Variants in RB1 observed in about 807,000 individuals in gnomAD.
The protein encoded by RB1 is RB transcriptional corepressor 1, also known as retinoblastoma-associated protein.
A neutral mutation model predicts 135.4 loss-of-function variants in RB1; 18 were observed. That is an observed-to-expected ratio of 0.13 (90% confidence interval 0.09 to 0.20). RB1 has a LOEUF of 0.20. Among genes scored for constraint, RB1 ranks in the 10% least tolerant of loss-of-function variants. The pLI is 1.00. For synonymous variants in RB1, 365 were observed against 373.2 expected, an observed-to-expected ratio of 0.98 and a Z score of 0.25; for missense variants, 868 against 1,110.0, an observed-to-expected ratio of 0.78 and a Z score of 3.10.
chr13:48,415,927 T>C (rs1465156833), intron 17 of RB1: 3 of 152,210 alleles, frequency 2.0e-5, no homozygotes, highest in Non-Finnish European at 4.4e-5. Context: ...TAGGTTAGAA[T>C]TGGAAAAATA....
At chr13:48,440,462 T>G (rs1949226381) in intron 17 of RB1, among the ~76,000 whole-genome samples, 1 of 152,194 alleles carries the variant, frequency 6.6e-6, no homozygotes. Flanking sequence ...ATGCATATTT[T>G]TTAACTTTAA....
intron 11 of RB1, among the ~76,000 whole-genome samples, chr13:48,371,952 T>C (rs1042804536): frequency 9.2e-5 from 14 of 152,324 alleles, no homozygotes; most frequent in Middle Eastern, 6.8e-3. Flanking sequence ...TGAACCTTAT[T>C]GTGAACTGCG....
chr13:48,459,000 G>A (rs1454993269), intron 19 of RB1, among the ~76,000 whole-genome samples: 1 of 152,090 alleles, frequency 6.6e-6, no homozygotes, highest in East Asian at 1.9e-4. Context: ...TTAAAAAAAT[G>A]ATTATTCCTC....
chr13:48,362,770 A>T (rs1275402633), intron 7 of RB1, 45 bp from the exon 8 acceptor site: 1 of 1,571,810 alleles, frequency 6.4e-7, no homozygotes, highest in Non-Finnish European at 8.8e-7. Context: ...ATTATTTTAT[A>T]TGATGGATGT....
At chr13:48,364,322 T>A (rs1486479177) in intron 8 of RB1, among the ~76,000 whole-genome samples, 1 of 152,218 alleles carries the variant, frequency 6.6e-6, no homozygotes, top group African/African-American at 2.4e-5. Context: ...TATCATTTAC[T>A]ATACCATAAA....
At position 48,459,891 on chromosome 13, in the gene RB1, T is replaced by TTCTTTCTTTCTTTCTC. The variant is rs1949386847; in HGVS notation, c.2106+73_2106+74insCTCTTTCTTTCTTTCT. The TTCTTTCTTTCTTTCTC allele has an allele frequency of 7.0e-6, 3 of 431,454 alleles. No homozygotes were observed. The Admixed American group carries it at 1.7e-4, about 24-fold the overall frequency. 26.7% of individuals were successfully genotyped at this position (431,454 alleles called of 1,614,324 possible). A position where few individuals can be genotyped will look rare whatever the true frequency, so the allele number is the denominator to read the frequency against. ...CCCTACTTACTTGTTAACTGATTCT[T>TTCTTTCTTTCTTTCTC]TCTTTCTTTCTTTCTTTCTTTCTTT... On this transcript the variant is annotated intron_variant, in intron 20 of 26. Coordinates refer to ENST00000267163, the MANE Select transcript of RB1 (RefSeq NM_000321.3).
chr13:48,380,276 C>A (rs549793500), intron 16 of RB1, 35 bp downstream of exon 16: 2 of 1,453,246 alleles, frequency 1.4e-6, no homozygotes, highest in South Asian at 2.3e-5. Context: ...CACTTTTGTT[C>A]AATTTAAAGT....
intron 17 of RB1, among the ~76,000 whole-genome samples, chr13:48,434,076 T>G (rs533035388): frequency 2.0e-5 from 3 of 152,196 alleles, no homozygotes; most frequent in Non-Finnish European, 4.4e-5. Flanking sequence ...TGTTGAGAAT[T>G]AAAATAAATA....
intron 17 of RB1, among the ~76,000 whole-genome samples, chr13:48,404,442 G>GA (rs11307004): frequency 6.6e-6 from 1 of 151,008 alleles, no homozygotes; most frequent in African/African-American, 2.4e-5. Context: ...AAAAAGAACA[G>GA]AAAAAAAAAA....
intron 7 of RB1, 190 bp downstream of exon 7, chr13:48,360,317 G>A: frequency 7.8e-7 from 1 of 1,278,652 alleles, no homozygotes; most frequent in African/African-American, 1.5e-5. Context: ...AGAGTATATG[G>A]TAGAAAGTGG....
At chr13:48,412,262 A>C in intron 17 of RB1, 1 of 1,614,150 alleles carries the variant, frequency 6.2e-7, no homozygotes. Flanking sequence ...TAATCATGTA[A>C]GTTGTAGTTT....
At chr13:48,421,734 A>G (rs1317481010) in intron 17 of RB1, among the ~76,000 whole-genome samples, 1 of 152,238 alleles carries the variant, frequency 6.6e-6, no homozygotes, top group East Asian at 1.9e-4. Flanking sequence ...TCTCAAAAGA[A>G]GACATTTATG....
At chr13:48,478,948 T>C (rs529228922) in intron 26 of RB1, among the ~76,000 whole-genome samples, 1 of 152,186 alleles carries the variant, frequency 6.6e-6, no homozygotes, top group South Asian at 2.1e-4. Context: ...ATGCCCCGGG[T>C]AGGCATGATG....
intron 18 of RB1, among the ~76,000 whole-genome samples, chr13:48,454,295 C>A (rs1949346963): frequency 6.6e-6 from 1 of 152,214 alleles, no homozygotes; most frequent in Non-Finnish European, 1.5e-5. Context: ...TGTGTAGGAA[C>A]TGACATTACA....
chr13:48,316,723 AC>A (rs1566177964), intron 2 of RB1: 2 of 396 alleles, frequency 5.1e-3, no homozygotes, highest in East Asian at 0.083. Flanking sequence ...GAACCATCAC[AC>A]ACACACACAC....
chr13:48,380,681 G>C (rs1461492369), intron 16 of RB1, among the ~76,000 whole-genome samples: 1 of 152,268 alleles, frequency 6.6e-6, no homozygotes, highest in African/African-American at 2.4e-5. Flanking sequence ...AAACATAAAT[G>C]TATATCACTT....
chr13:48,319,155 T>TGC lies in RB1; in HGVS notation c.264+11750_264+11751insCG, dbSNP rs1952212811. On this transcript the variant is annotated intron_variant, in intron 2 of 26. Transcript: ENST00000267163. The surrounding 1 kb of genome is among the most constrained non-coding windows in gnomAD (Gnocchi z 5.0). Reference sequence around the variant, plus strand: ...GTTTCCTTCGGGAGCTTGTGGGGAATGGTCAGCGTCTAGGCACCCCGGGCA... The same window carrying TGC: ...GTTTCCTTCGGGAGCTTGTGGGGAATGCGGTCAGCGTCTAGGCACCCCGGGCA... 1 of 601,738 alleles carries TGC rather than the reference T, an allele frequency of 1.7e-6. No homozygotes were observed. Among genetic ancestry groups the TGC allele is most frequent in the African/African-American group, 1.9e-5 (1 of 53,710 alleles). The allele number at this position is 601,738 out of a possible 1,614,324, so 37.3% of individuals were successfully genotyped here.
At chr13:48,323,735 G>A (rs570893614) in intron 2 of RB1, among the ~76,000 whole-genome samples, 34 of 152,038 alleles carry the variant, frequency 2.2e-4, no homozygotes, top group Middle Eastern at 3.4e-3. Flanking sequence ...TTACTACAGC[G>A]TGTTTTCTTC....
intron 6 of RB1, among the ~76,000 whole-genome samples, chr13:48,349,579 C>T (rs1256935062): frequency 6.6e-6 from 1 of 151,800 alleles, no homozygotes; most frequent in East Asian, 1.9e-4. Context: ...AGCATATCAT[C>T]AGAGAAAACT....
Sources: allele counts gnomAD v4.1 joint callset (sites outside exome capture counted in the v4.1 genomes callset), GRCh38; gene constraint gnomAD v4.1.1; non-coding constraint Gnocchi (gnomAD v3.1); transcripts MANE v1.5; gene names NCBI Gene and HGNC (gene_info 2026-07-23, HGNC 2026-07-21).